Variants in DEPDC7 observed in about 807,000 individuals in gnomAD.
DEPDC7 encodes DEP domain-containing protein 7.
Under a neutral mutation model 56.6 loss-of-function variants are expected in DEPDC7, and 41 were observed. That is an observed-to-expected ratio of 0.72 (90% CI 0.56 to 0.94). The LOEUF (loss-of-function observed/expected upper bound fraction) is 0.94, where lower values mean the gene tolerates loss of function less well. Ranked by LOEUF, DEPDC7 falls within the 40% of genes least tolerant of loss-of-function variation. The probability of loss-of-function intolerance (pLI) is 0.00; values close to 1 mark genes in which losing one functional copy is unlikely to be tolerated. For missense variants in DEPDC7, 522 were observed against 596.3 expected (o/e 0.88, Z 1.30); for synonymous variants, 185 against 208.8 (o/e 0.89, Z 0.98).
chr11:33,030,012 T>G (rs1418805675), intron 4 of DEPDC7, among the ~76,000 whole-genome samples: 1 of 151,966 alleles, frequency 6.6e-6, no homozygotes, highest in African/African-American at 2.4e-5. Context: ...CAGGCTGGAG[T>G]GCAGTGGCAT....
intron 1 of DEPDC7, chr11:33,016,295 C>T: frequency 2.1e-6 from 3 of 1,397,316 alleles, no homozygotes; most frequent in South Asian, 1.7e-5. Flanking sequence ...TCAACTTGAC[C>T]GCGCGTTGGT....
Position 33,033,261 on chromosome 11 carries a change from G to A in DEPDC7, c.1343-1G>A, listed in dbSNP as rs773374103. 1.3e-6 allele frequency: 2 copies of A among 1,574,914 alleles called. No homozygotes were observed. Among genetic ancestry groups the A allele is most frequent in the Non-Finnish European group, 1.7e-6 (2 of 1,164,430 alleles). On this transcript the variant is annotated splice_acceptor_variant, in intron 8 of 8. Transcript: ENST00000241051. LOFTEE classifies it high-confidence loss of function. ...TGAACTTTTTACTTTTAAACTTTAA[G>A]GATATATTTATTGCCAGAGAATTGA...
intron 1 of DEPDC7, among the ~76,000 whole-genome samples, chr11:33,023,090 G>C (rs1454381394): frequency 6.6e-5 from 10 of 151,902 alleles, no homozygotes; most frequent in Non-Finnish European, 1.5e-4. Context: ...TTAGCCGGGC[G>C]TGGTGGCGGG....
At chr11:33,018,412 C>A (rs1363327533) in intron 1 of DEPDC7, among the ~76,000 whole-genome samples, 2 of 152,054 alleles carry the variant, frequency 1.3e-5, no homozygotes, top group African/African-American at 4.8e-5. Flanking sequence ...TCTTAAAATT[C>A]TCTTAAATCC....
chr11:33,033,233 A>G (rs779724505), intron 8 of DEPDC7, 29 bp from the exon 9 acceptor site: 5 of 1,477,362 alleles, frequency 3.4e-6, no homozygotes, highest in Admixed American at 4.4e-5. Context: ...TTGAGTCATT[A>G]ACTGAACTTT....
intron 1 of DEPDC7, chr11:33,016,526 T>A (rs367845306): frequency 1.9e-6 from 3 of 1,614,088 alleles, no homozygotes; most frequent in Non-Finnish European, 1.7e-6. Flanking sequence ...CTCCCCAGAC[T>A]CTTCCTGGGA....
intron 1 of DEPDC7, among the ~76,000 whole-genome samples, chr11:33,021,705 G>A (rs544492409): frequency 6.6e-6 from 1 of 152,228 alleles, no homozygotes; most frequent in Admixed American, 6.5e-5. Context: ...TGCAATGGTT[G>A]GGAATTAATG....
At chr11:33,031,969 T>C (rs140813670) in intron 5 of DEPDC7, among the ~76,000 whole-genome samples, 115 of 145,372 alleles carry the variant, frequency 7.9e-4, no homozygotes, top group African/African-American at 2.9e-3. Context: ...GGAAACAAAT[T>C]GGAGGTTTCA....
intron 1 of DEPDC7, among the ~76,000 whole-genome samples, chr11:33,021,178 G>C (rs908058619): frequency 2.6e-5 from 4 of 151,444 alleles, no homozygotes; most frequent in African/African-American, 9.7e-5. Flanking sequence ...TTGAAGCAGG[G>C]AGTTGGAGGT....
Position 33,025,667 on chromosome 11 carries a change from G to A in DEPDC7, c.82G>A (p.Val28Ile). 1 of 1,604,642 alleles carries A rather than the reference G, an allele frequency of 6.2e-7. No individual in the cohort carries two copies. The change falls in exon 2 of 9, where the codon GTA becomes ATA. Residue 28 changes from valine to isoleucine, a missense_variant. Transcript: ENST00000241051. ...GATTTTTCTCCTTCTAGGTTTCAGTGTAGCTCAGAAGCCATTTGGAGCCAC... is the reference window on the plus strand; with the variant it reads ...GATTTTTCTCCTTCTAGGTTTCAGTATAGCTCAGAAGCCATTTGGAGCCAC... ...SPAHRPPGFSVAQKPFGATYV... is the reference protein window; with the variant it reads ...SPAHRPPGFSIAQKPFGATYV...
At chr11:33,016,361 C>T in intron 1 of DEPDC7, 2 of 1,424,316 alleles carry the variant, frequency 1.4e-6, no homozygotes, top group South Asian at 3.1e-5. Context: ...ATATGCTCCG[C>T]GGTGCTACCG....
chr11:33,032,998 T>C lies in DEPDC7; in HGVS notation c.1342+31T>C, dbSNP rs757051324. ...CTGAGAAATATTATTTTCATGATCT[T>C]CCAAAGACAAATTTCAGGTGTTTTT... On this transcript the variant is annotated intron_variant, in intron 8 of 8. Coordinates refer to ENST00000241051, the MANE Select transcript of DEPDC7 (RefSeq NM_001077242.2). 1.1e-5 allele frequency: 17 copies of C among 1,486,656 alleles called. No individual in the cohort carries two copies. In the African/African-American group the frequency reaches 2.1e-4, roughly 19 times the overall value. 92.1% of individuals were successfully genotyped at this position (1,486,656 alleles called of 1,614,324 possible).
At chr11:33,033,063 A>G (rs1590210846) in intron 8 of DEPDC7, 96 bp downstream of exon 8, 11 of 1,089,364 alleles carry the variant, frequency 1.0e-5, no homozygotes, top group East Asian at 4.9e-5. Flanking sequence ...TTTAATTTCA[A>G]CCAAATTTAA....
At position 33,028,350 on chromosome 11, in the gene DEPDC7, C is replaced by T. The variant is rs1258358365; in HGVS notation, c.593-253C>T. 4.4e-5 allele frequency: 15 copies of T among 341,870 alleles called. No homozygotes were observed. In the East Asian group the frequency reaches 7.1e-4, roughly 16 times the overall value. The allele number at this position is 341,870 out of a possible 1,614,324, so 21.2% of individuals were successfully genotyped here. On this transcript the variant is annotated intron_variant, in intron 3 of 8. Transcript: ENST00000241051. ...TTATTAACATGTTACATGACTTGATCTCTTATCTCTGACAGATTGCTTTTT... is the reference window on the plus strand; with the variant it reads ...TTATTAACATGTTACATGACTTGATTTCTTATCTCTGACAGATTGCTTTTT...
chr11:33,016,613 A>G (rs1564962384), intron 1 of DEPDC7: 11 of 1,606,176 alleles, frequency 6.8e-6, no homozygotes, highest in Non-Finnish European at 9.4e-6. Flanking sequence ...ATGTATAAGC[A>G]GTATTTTAGT....
intron 1 of DEPDC7, 36 bp from the exon 2 acceptor site, chr11:33,025,623 T>G: frequency 6.4e-7 from 1 of 1,572,006 alleles, no homozygotes; most frequent in African/African-American, 1.4e-5. Context: ...AACAAGGTAC[T>G]AAATCCCAGT....
At chr11:33,019,327 G>T (rs185551668) in intron 1 of DEPDC7, among the ~76,000 whole-genome samples, 41 of 152,224 alleles carry the variant, frequency 2.7e-4, no homozygotes, top group African/African-American at 9.1e-4. Flanking sequence ...CCTGTTGGGG[G>T]TATAATCACC....
chr11:33,025,779 G>A lies in DEPDC7; in HGVS notation c.194G>A (p.Cys65Tyr). 1 of 1,614,202 alleles carries A rather than the reference G, an allele frequency of 6.2e-7. No individual in the cohort carries two copies. Among genetic ancestry groups the A allele is most frequent in the Non-Finnish European group, 8.5e-7 (1 of 1,180,040 alleles). The change falls in exon 2 of 9, where the codon TGC becomes TAC. Residue 65 changes from cysteine to tyrosine, a missense_variant. Coordinates refer to ENST00000241051, the MANE Select transcript of DEPDC7 (RefSeq NM_001077242.2). Reference sequence around the variant, plus strand: ...CACCGTTTAAAACGACATAATGACTGCTTTGTTGGTTCAGAAGCTGTGGAT... The same window carrying A: ...CACCGTTTAAAACGACATAATGACTACTTTGTTGGTTCAGAAGCTGTGGAT... ...RRHRLKRHND[C>Y]FVGSEAVDVI...
At chr11:33,027,871 A>T (rs1273853509) in intron 3 of DEPDC7, 58 bp downstream of exon 3, 66 of 1,448,452 alleles carry the variant, frequency 4.6e-5, no homozygotes, top group Non-Finnish European at 5.9e-5. Flanking sequence ...GTTATTTAAA[A>T]TTTTTTAATC....
Sources: allele counts gnomAD v4.1 joint callset (sites outside exome capture counted in the v4.1 genomes callset), GRCh38; gene constraint gnomAD v4.1.1; transcripts MANE v1.5; gene names NCBI Gene and HGNC (gene_info 2026-07-23, HGNC 2026-07-21).